Variants in TNIK observed in about 807,000 individuals in gnomAD.
TNIK encodes TRAF2 and NCK-interacting protein kinase.
TNIK carries 49 observed loss-of-function variants against 191.3 expected under a neutral mutation model. That is an observed-to-expected ratio of 0.26 (90% CI 0.20 to 0.32). The LOEUF is 0.32. Among genes scored for constraint, TNIK ranks in the 10% least tolerant of loss-of-function variants. The probability of loss-of-function intolerance (pLI) is 1.00; values close to 1 mark genes in which losing one functional copy is unlikely to be tolerated. For missense variants in TNIK, 1,155 were observed against 1,702.3 expected, an observed-to-expected ratio of 0.68 and a Z score of 5.66; for synonymous variants, 594 against 600.9, an observed-to-expected ratio of 0.99 and a Z score of 0.17.
intron 7 of TNIK, among the ~76,000 whole-genome samples, chr3:171,181,683 G>A (rs1216224255): frequency 2.6e-5 from 4 of 152,158 alleles, no homozygotes; most frequent in African/African-American, 9.7e-5. Flanking sequence ...GATATCTGGA[G>A]CTACAGCATC....
Position 171,128,887 on chromosome 3 carries a change from C to CAAAAAAAAAAAA in TNIK, c.1609-21_1609-10dup, listed in dbSNP as rs59293515. On this transcript the variant is annotated splice_polypyrimidine_tract_variant and intron_variant, in intron 15 of 32. Transcript: ENST00000436636. ...CTTGACCGTTCTTCTACCTACAACC[C>CAAAAAAAAAAAA]AAAAAAAAAAAAAAAAAAAAGACAG... is the stretch of plus-strand genomic sequence containing the variant. 13 of 1,245,206 alleles carry CAAAAAAAAAAAA rather than the reference C, an allele frequency of 1.0e-5. 1 individual carries two copies. In the Admixed American group the frequency reaches 1.3e-4, roughly 12 times the overall value. 77.1% of individuals were successfully genotyped at this position (1,245,206 alleles called of 1,614,324 possible).
intron 1 of TNIK, among the ~76,000 whole-genome samples, chr3:171,408,858 C>T (rs766598426): frequency 7.2e-5 from 11 of 152,234 alleles, no homozygotes; most frequent in Middle Eastern, 6.8e-3. Flanking sequence ...AGCTTTAAAT[C>T]GCTATGCAAA....
intron 21 of TNIK, among the ~76,000 whole-genome samples, chr3:171,103,109 G>C (rs1723875808): frequency 6.6e-6 from 1 of 152,092 alleles, no homozygotes; most frequent in East Asian, 1.9e-4. Context: ...CACCTGATTT[G>C]AAACCCTTAG....
At chr3:171,229,449 C>T (rs900733739) in intron 2 of TNIK, among the ~76,000 whole-genome samples, 3 of 152,148 alleles carry the variant, frequency 2.0e-5, no homozygotes, top group South Asian at 2.1e-4. Flanking sequence ...AGTGATTGGC[C>T]TAGTGTGATT....
rs1367285193 is a variant in TNIK, at chr3:171,066,321, T to A, written c.3865A>T (p.Ile1289Phe). ...CAGCCCATTATCTGATTGGAATGAATGTAGGCTGTCAAAAGGAATTTCCAA... is the reference window on the plus strand; with the variant it reads ...CAGCCCATTATCTGATTGGAATGAAAGTAGGCTGTCAAAAGGAATTTCCAA... ...WGEMPTSVAY[I>F]HSNQIMGWGE... The change falls in exon 32 of 33, where the codon ATT becomes TTT. Residue 1289 changes from isoleucine to phenylalanine, a missense_variant. By Grantham distance (21) the Ile-to-Phe change is conservative. Around this residue, in one of 3 missense-constraint regions of TNIK, gnomAD observed 195 missense variants for 415.4 expected, o/e 0.47. Coordinates refer to ENST00000436636, the MANE Select transcript of TNIK (RefSeq NM_015028.4). 6.2e-7 allele frequency: 1 copy of A among 1,613,836 alleles called. No homozygotes were observed.
At chr3:171,459,447 G>A (rs968504570) in intron 1 of TNIK, among the ~76,000 whole-genome samples, 2 of 152,188 alleles carry the variant, frequency 1.3e-5, no homozygotes, top group Non-Finnish European at 2.9e-5. Flanking sequence ...GGCGCGGGAG[G>A]TAGAAAAGGG....
intron 3 of TNIK, chr3:171,225,500 G>A (rs1044285020): frequency 2.2e-5 from 10 of 454,694 alleles, no homozygotes; most frequent in Middle Eastern, 3.3e-4. Flanking sequence ...CTATGTAATG[G>A]ATTGACACTC....
chr3:171,078,767 G>C (rs975208242), intron 28 of TNIK, among the ~76,000 whole-genome samples: 69 of 152,006 alleles, frequency 4.5e-4, no homozygotes, highest in African/African-American at 1.6e-3. Flanking sequence ...TTTTCTTTCT[G>C]GCCATTTAGT....
intron 2 of TNIK, among the ~76,000 whole-genome samples, chr3:171,302,447 C>T (rs1451440738): frequency 6.6e-6 from 1 of 152,184 alleles, no homozygotes; most frequent in Non-Finnish European, 1.5e-5. Flanking sequence ...AACTCAAATA[C>T]TATGAAGTGC....
At chr3:171,138,428 A>G in intron 14 of TNIK, 49 bp from the exon 15 acceptor site, 1 of 1,459,238 alleles carries the variant, frequency 6.9e-7, no homozygotes, top group South Asian at 1.5e-5. Flanking sequence ...ATTATCACAT[A>G]GAAATCATCG....
intron 1 of TNIK, among the ~76,000 whole-genome samples, chr3:171,443,425 G>A (rs1727086636): frequency 6.6e-6 from 1 of 152,160 alleles, no homozygotes; most frequent in Admixed American, 6.5e-5. Context: ...CTTAGACAGA[G>A]TCTATGATTT....
At chr3:171,077,181 A>G (rs894555019) in intron 28 of TNIK, among the ~76,000 whole-genome samples, 11 of 148,420 alleles carry the variant, frequency 7.4e-5, no homozygotes, top group East Asian at 2.0e-4. Flanking sequence ...CAGGTCATCT[A>G]TTTATACCAT....
intron 1 of TNIK, among the ~76,000 whole-genome samples, chr3:171,437,374 T>G (rs996785935): frequency 6.6e-6 from 1 of 152,192 alleles, no homozygotes; most frequent in Non-Finnish European, 1.5e-5. Context: ...TATCCCCCTA[T>G]AGCTGTAGGA....
At chr3:171,230,876 A>T (rs973761658) in intron 2 of TNIK, among the ~76,000 whole-genome samples, 1 of 152,006 alleles carries the variant, frequency 6.6e-6, no homozygotes, top group African/African-American at 2.4e-5. Flanking sequence ...TTGCAGCCCA[A>T]CCTTTTCCCC....
intron 1 of TNIK, among the ~76,000 whole-genome samples, chr3:171,375,217 A>C (rs1717048586): frequency 6.6e-6 from 1 of 152,220 alleles, no homozygotes; most frequent in African/African-American, 2.4e-5. Flanking sequence ...ATAGGACTTT[A>C]ATAAATATTC....
At chr3:171,427,351 A>G (rs1420283524) in intron 1 of TNIK, among the ~76,000 whole-genome samples, 1 of 152,022 alleles carries the variant, frequency 6.6e-6, no homozygotes, top group Non-Finnish European at 1.5e-5. Flanking sequence ...CTTTCTTCCT[A>G]TTTGAGAAAA....
At chr3:171,192,007 G>A (rs1738119495) in intron 5 of TNIK, among the ~76,000 whole-genome samples, 1 of 152,024 alleles carries the variant, frequency 6.6e-6, no homozygotes, top group East Asian at 1.9e-4. Context: ...CAAAATCATG[G>A]TATGAAAAAT....
At chr3:171,285,351 AAT>A (rs1276661370) in intron 2 of TNIK, among the ~76,000 whole-genome samples, 1 of 152,254 alleles carries the variant, frequency 6.6e-6, no homozygotes, top group Non-Finnish European at 1.5e-5. Context: ...TATCAGTGGT[AAT>A]ATATGTTAGC....
intron 28 of TNIK, among the ~76,000 whole-genome samples, 196 bp downstream of exon 28, chr3:171,079,322 C>A (rs1720382284): frequency 6.6e-6 from 1 of 152,104 alleles, no homozygotes; most frequent in South Asian, 2.1e-4. Flanking sequence ...GAGCCTAGGA[C>A]TTTATTCTGA....
Sources: allele counts gnomAD v4.1 joint callset (sites outside exome capture counted in the v4.1 genomes callset), GRCh38; gene constraint gnomAD v4.1.1; regional missense constraint gnomAD v4.1.1; transcripts MANE v1.5; gene names NCBI Gene and HGNC (gene_info 2026-07-23, HGNC 2026-07-21).